CA10: variants seen among roughly 807,000 people sequenced by gnomAD.
CA10 encodes carbonic anhydrase-related protein 10.
In CA10, 14 loss-of-function variants were observed where a neutral mutation model predicts 44.2. The ratio of observed to expected loss-of-function variants is 0.32; its 90% confidence interval spans 0.21 to 0.50. CA10 has a LOEUF of 0.50. Ranked by LOEUF, CA10 falls within the 20% of genes least tolerant of loss-of-function variation. The pLI, the probability that CA10 is intolerant of heterozygous loss-of-function variation, is 0.99. For synonymous variants in CA10, 159 were observed against 141.6 expected (o/e 1.12, Z -0.87); for missense variants, 350 against 409.7 (o/e 0.85, Z 1.26).
chr17:51,950,782 G>C (rs970795344), intron 2 of CA10, among the ~76,000 whole-genome samples: 2 of 152,086 alleles, frequency 1.3e-5, no homozygotes, highest in African/African-American at 4.8e-5. Context: ...GAATGATACA[G>C]CACTTATCAC....
chr17:52,005,019 C>G (rs898391898), intron 2 of CA10, among the ~76,000 whole-genome samples: 2 of 151,860 alleles, frequency 1.3e-5, no homozygotes, highest in Non-Finnish European at 2.9e-5. Flanking sequence ...ATAAGACCCT[C>G]AAGTACTAAA....
At chr17:52,137,954 T>C (rs1989395515) in intron 1 of CA10, among the ~76,000 whole-genome samples, 1 of 152,158 alleles carries the variant, frequency 6.6e-6, no homozygotes, top group Non-Finnish European at 1.5e-5. Flanking sequence ...ACCTATCCTA[T>C]GTGCATCAGT....
intron 1 of CA10, among the ~76,000 whole-genome samples, chr17:52,155,925 G>A (rs1200136470): frequency 1.3e-5 from 2 of 152,158 alleles, no homozygotes; most frequent in Non-Finnish European, 2.9e-5. Context: ...AAATATAGCT[G>A]TGACAGGTAT....
chr17:51,680,110 T>A (rs1379440096), intron 4 of CA10, among the ~76,000 whole-genome samples: 1 of 151,964 alleles, frequency 6.6e-6, no homozygotes, highest in African/African-American at 2.4e-5. Flanking sequence ...GAAAAAAAAA[T>A]TGTCTATCCC....
intron 4 of CA10, among the ~76,000 whole-genome samples, chr17:51,675,097 C>G (rs1914571063): frequency 6.6e-6 from 1 of 152,132 alleles, no homozygotes. Context: ...TTGTAAGAGG[C>G]AAGGAGGTAA....
intron 2 of CA10, among the ~76,000 whole-genome samples, chr17:52,009,634 TTTCTC>T (rs1195898648): frequency 6.6e-6 from 1 of 152,060 alleles, no homozygotes; most frequent in Non-Finnish European, 1.5e-5. Context: ...TGTTGGATAA[TTTCTC>T]TTCTAAATTT....
chr17:51,676,688 A>T (rs150807422), intron 4 of CA10, among the ~76,000 whole-genome samples: 2 of 152,182 alleles, frequency 1.3e-5, no homozygotes, highest in African/African-American at 4.8e-5. Flanking sequence ...GTCTTCTCTA[A>T]CTTAAATACA....
At chr17:51,979,359 G>T (rs1378710286) in intron 2 of CA10, among the ~76,000 whole-genome samples, 1 of 151,908 alleles carries the variant, frequency 6.6e-6, no homozygotes, top group Non-Finnish European at 1.5e-5. Flanking sequence ...TATATTTAGG[G>T]GTACATGTGA....
At chr17:51,646,565 A>C (rs1435115401) in intron 6 of CA10, among the ~76,000 whole-genome samples, 1 of 152,076 alleles carries the variant, frequency 6.6e-6, no homozygotes, top group Non-Finnish European at 1.5e-5. Context: ...GGGCCCCCTG[A>C]GTTTTCTTCA....
At chr17:52,072,716 C>CACACA (rs776721118) in intron 1 of CA10, among the ~76,000 whole-genome samples, 4 of 123,400 alleles carry the variant, frequency 3.2e-5, no homozygotes, top group African/African-American at 1.3e-4. Context: ...CACACACACA[C>CACACA]AACACACACA....
chr17:51,733,621 C>G (rs771407319), intron 4 of CA10, among the ~76,000 whole-genome samples: 18 of 152,232 alleles, frequency 1.2e-4, no homozygotes, highest in Admixed American at 2.6e-4. Flanking sequence ...GTTTGGATGC[C>G]CCTGAGGTTT....
intron 3 of CA10, among the ~76,000 whole-genome samples, chr17:51,904,208 A>AAG (rs1981442319): frequency 6.6e-6 from 1 of 151,976 alleles, no homozygotes; most frequent in South Asian, 2.1e-4. Context: ...TTAAAAAAAA[A>AAG]AAACTCTTAT....
chr17:51,971,897 C>A (rs768513704), intron 2 of CA10, among the ~76,000 whole-genome samples: 19 of 151,930 alleles, frequency 1.3e-4, no homozygotes, highest in African/African-American at 2.2e-4. Flanking sequence ...TAATTGATTT[C>A]TTCCCAATTT....
At chr17:52,032,896 A>G (rs1986509867) in intron 2 of CA10, among the ~76,000 whole-genome samples, 1 of 152,194 alleles carries the variant, frequency 6.6e-6, no homozygotes, top group African/African-American at 2.4e-5. Flanking sequence ...GGGAGCATCA[A>G]AAATTCTGCA....
chr17:51,671,832 T>G (rs1212251454), intron 4 of CA10, among the ~76,000 whole-genome samples: 1 of 152,238 alleles, frequency 6.6e-6, no homozygotes, highest in East Asian at 1.9e-4. Context: ...GATTTTCCTG[T>G]ATGAATTTGC....
intron 1 of CA10, among the ~76,000 whole-genome samples, chr17:52,091,223 G>T (rs1988256695): frequency 6.6e-6 from 1 of 152,118 alleles, no homozygotes; most frequent in African/African-American, 2.4e-5. Flanking sequence ...TTATGATGAT[G>T]AAGTGAAGTT....
intron 2 of CA10, among the ~76,000 whole-genome samples, chr17:52,011,080 C>T (rs187559442): frequency 2.0e-5 from 3 of 151,842 alleles, no homozygotes; most frequent in Non-Finnish European, 4.4e-5. Context: ...CCCTTCTGAG[C>T]CTTACTTTCT....
At chr17:52,115,144 T>C (rs1567738023) in intron 1 of CA10, among the ~76,000 whole-genome samples, 1 of 152,216 alleles carries the variant, frequency 6.6e-6, no homozygotes, top group Non-Finnish European at 1.5e-5. Flanking sequence ...GCCTGGCCTC[T>C]TCAGCTCCTG....
intron 2 of CA10, among the ~76,000 whole-genome samples, chr17:51,984,942 G>A (rs1598152819): frequency 2.0e-5 from 3 of 151,664 alleles, no homozygotes; most frequent in Non-Finnish European, 4.4e-5. Context: ...ACATTCAAAG[G>A]AGAGTTGGTA....
Sources: allele counts gnomAD v4.1 joint callset (sites outside exome capture counted in the v4.1 genomes callset), GRCh38; gene constraint gnomAD v4.1.1; transcripts MANE v1.5; gene names NCBI Gene and HGNC (gene_info 2026-07-23, HGNC 2026-07-21).